The following CLCN3 variants were observed in gnomAD, a reference collection of about 807,000 sequenced individuals.
CLCN3 encodes the protein H(+)/Cl(-) exchange transporter 3.
In CLCN3, 16 loss-of-function variants were observed where a neutral mutation model predicts 83.4. The observed-to-expected ratio is 0.19, with a 90% CI of 0.13 to 0.29. The LOEUF is 0.29. Ranked by LOEUF, CLCN3 falls within the 10% of genes least tolerant of loss-of-function variation. The pLI is 1.00. For synonymous variants in CLCN3, 322 were observed against 346.2 expected (o/e 0.93, Z 0.78); for missense variants, 544 against 1,006.0 (o/e 0.54, Z 6.21).
chr4:169,685,911 G>A (rs1480848996), intron 3 of CLCN3, among the ~76,000 whole-genome samples: 1 of 152,194 alleles, frequency 6.6e-6, no homozygotes, highest in Non-Finnish European at 1.5e-5. Flanking sequence ...TTATAGGGTA[G>A]AAGGGGTAAA....
In CLCN3 at chr4:169,628,227, A is replaced by C. The variant is rs377471225; in HGVS notation, c.-17+7164A>C. On this transcript the variant is annotated intron_variant, in intron 1 of 12. Transcript: ENST00000513761. ...TAAAATTTTAGGAAAAATAGAAGAA[A>C]ATTTTGGGGAGGTAGGGTTAGGCAT... Among the ~76,000 whole-genome samples, 4 of 152,290 alleles carry C rather than the reference A, an allele frequency of 2.6e-5. No homozygotes were observed. In the East Asian group the frequency reaches 5.8e-4, roughly 22 times the overall value.
chr4:169,700,418 C>T (rs772518458), intron 9 of CLCN3, among the ~76,000 whole-genome samples: 4 of 151,982 alleles, frequency 2.6e-5, no homozygotes, highest in Admixed American at 6.6e-5. Context: ...CCATCACACC[C>T]GGCTAATTTT....
At chr4:169,640,639 A>AT (rs943059913) in intron 2 of CLCN3, among the ~76,000 whole-genome samples, 2 of 152,092 alleles carry the variant, frequency 1.3e-5, no homozygotes, top group East Asian at 1.9e-4. Flanking sequence ...AAAATGCAAA[A>AT]TTTTTTTATT....
At position 169,697,519 on chromosome 4, in the gene CLCN3, C is replaced by G. The variant is rs201828746; in HGVS notation, c.1348C>G (p.Leu450Val). 8 of 1,614,160 alleles carry G rather than the reference C, an allele frequency of 5.0e-6. No homozygotes were observed. In the East Asian group the frequency reaches 1.8e-4, roughly 36 times the overall value. ...VIAFPNPYTR[L>V]NTSELIKELF... ...AGCCTTCCCTAATCCATACACTAGG[C>G]TAAACACCAGTGAACTGATCAAAGA... The change falls in exon 9 of 13, where the codon CTA (leucine) becomes GTA (valine). Residue 450 changes from leucine (L) to valine (V), a missense_variant. Around this residue, in one of 6 missense-constraint regions of CLCN3, gnomAD observed 194 missense variants for 341.4 expected, o/e 0.57. Coordinates refer to ENST00000513761, the MANE Select transcript of CLCN3 (RefSeq NM_001829.4).
In CLCN3 at chr4:169,700,974, G is replaced by T. The variant is rs545366892; in HGVS notation, c.1564-3024G>T. On this transcript the variant is annotated intron_variant, in intron 9 of 12. Coordinates refer to ENST00000513761, the MANE Select transcript of CLCN3 (RefSeq NM_001829.4). Reference sequence around the variant, plus strand: ...GTTGCTAGAGGTAGGACTGGCTGTAGCAATTCTTAAAATAAGATAACAGTG... The same window carrying T: ...GTTGCTAGAGGTAGGACTGGCTGTATCAATTCTTAAAATAAGATAACAGTG... Among the ~76,000 whole-genome samples, 4 of 152,294 alleles carry T rather than the reference G, an allele frequency of 2.6e-5. No homozygotes were observed. The South Asian group carries it at 8.3e-4, about 32-fold the overall frequency.
intron 11 of CLCN3, 89 bp from the exon 12 acceptor site, chr4:169,712,990 A>T: frequency 3.4e-6 from 3 of 886,070 alleles, no homozygotes; most frequent in South Asian, 1.5e-5. Context: ...GTCATAGGAT[A>T]CATTAATTTT....
At chr4:169,705,778 G>A (rs906142370) in intron 10 of CLCN3, among the ~76,000 whole-genome samples, 35 of 152,242 alleles carry the variant, frequency 2.3e-4, no homozygotes, top group South Asian at 1.9e-3. Flanking sequence ...GAGCAACACA[G>A]TAAAAGTAGT....
At chr4:169,691,181 G>T (rs1192446579) in intron 6 of CLCN3, among the ~76,000 whole-genome samples, 3 of 150,672 alleles carry the variant, frequency 2.0e-5, no homozygotes, top group African/African-American at 7.3e-5. Flanking sequence ...GCATTTTTTT[G>T]TTTGTTTTTT....
intron 11 of CLCN3, among the ~76,000 whole-genome samples, chr4:169,708,119 T>C (rs1733062752): frequency 6.6e-6 from 1 of 152,186 alleles, no homozygotes; most frequent in Non-Finnish European, 1.5e-5. Flanking sequence ...TGTCAAGCCT[T>C]TGGCCTGTCT....
intron 3 of CLCN3, 59 bp downstream of exon 3, chr4:169,680,266 T>C: frequency 8.1e-7 from 1 of 1,229,472 alleles, no homozygotes; most frequent in Non-Finnish European, 1.1e-6. Context: ...CTTTTAATAA[T>C]ATATTTCTGC....
chr4:169,709,154 ATG>A (rs1351976922), intron 11 of CLCN3, among the ~76,000 whole-genome samples: 1 of 149,154 alleles, frequency 6.7e-6, no homozygotes, highest in Non-Finnish European at 1.5e-5. Flanking sequence ...TTAAAAATGT[ATG>A]TGTTATATAT....
chr4:169,624,190 G>C (rs537251563), intron 1 of CLCN3, among the ~76,000 whole-genome samples: 24 of 152,238 alleles, frequency 1.6e-4, no homozygotes, highest in East Asian at 1.5e-3. Context: ...CTGGAGTGTA[G>C]TGGTGCAATC....
intron 12 of CLCN3, among the ~76,000 whole-genome samples, chr4:169,714,615 CTT>C (rs937786998): frequency 6.6e-6 from 1 of 152,092 alleles, no homozygotes; most frequent in African/African-American, 2.4e-5. Flanking sequence ...TAGAAATCCT[CTT>C]TCTTTGTGAT....
chr4:169,620,662 A>T lies in CLCN3; in HGVS notation c.-418A>T, dbSNP rs993028859. On this transcript the variant is annotated 5_prime_UTR_variant, in exon 1 of 13. Coordinates refer to ENST00000513761, the MANE Select transcript of CLCN3 (RefSeq NM_001829.4). ...TGTTCTAGTTCGCCCGTGACCCGGA[A>T]TAATGAGCAAGGAGGGTGTGGTGGG... 13 of 397,836 alleles carry T rather than the reference A, an allele frequency of 3.3e-5. No individual in the cohort carries two copies. Among genetic ancestry groups the T allele is most frequent in the African/African-American group, 2.7e-4 (13 of 48,644 alleles). The allele number at this position is 397,836 out of a possible 1,614,324, so 24.6% of individuals were successfully genotyped here. A position where few individuals can be genotyped will look rare whatever the true frequency, so the allele number is the denominator to read the frequency against.
At chr4:169,637,637 G>A (rs1456068884) in intron 2 of CLCN3, among the ~76,000 whole-genome samples, 20 of 151,950 alleles carry the variant, frequency 1.3e-4, no homozygotes, top group Non-Finnish European at 2.9e-5. Flanking sequence ...TTTATTCTTA[G>A]TGTTTTTTTT....
chr4:169,629,674 T>C (rs13435226), intron 1 of CLCN3, among the ~76,000 whole-genome samples: 26,196 of 152,220 alleles, frequency 0.17, 2,868 homozygotes, highest in South Asian at 0.31. Flanking sequence ...CCTGGTCTAA[T>C]GTGACATATT....
intron 11 of CLCN3, among the ~76,000 whole-genome samples, chr4:169,710,275 A>AT (rs1733158718): frequency 6.6e-6 from 1 of 152,050 alleles, no homozygotes; most frequent in Non-Finnish European, 1.5e-5. Flanking sequence ...AAAGTGATTT[A>AT]TTTTTTTGAG....
At position 169,635,896 on chromosome 4, in the gene CLCN3, CT is replaced by C. The variant is rs755491509; in HGVS notation, c.-16-12del. 14 of 1,501,464 alleles carry C rather than the reference CT, an allele frequency of 9.3e-6. No individual in the cohort carries two copies. The highest frequency in any genetic ancestry group is 1.3e-5 in the South Asian group (1 of 74,610). The allele number at this position is 1,501,464 out of a possible 1,614,324, so 93.0% of individuals were successfully genotyped here. A position where few individuals can be genotyped will look rare whatever the true frequency, so the allele number is the denominator to read the frequency against. Reference sequence around the variant, plus strand: ...GTATGTTTGAAAAATGTTAAAACTACTTTTTCCCCCCCACAGATAATCAGAC... The same window carrying C: ...GTATGTTTGAAAAATGTTAAAACTACTTTTCCCCCCCACAGATAATCAGAC... On this transcript the variant is annotated splice_polypyrimidine_tract_variant and intron_variant, in intron 1 of 12. Transcript: ENST00000513761.
chr4:169,719,546 GA>G (rs1733554597), intron 12 of CLCN3, among the ~76,000 whole-genome samples: 1 of 152,180 alleles, frequency 6.6e-6, no homozygotes, highest in African/African-American at 2.4e-5. Flanking sequence ...TCATGTGATG[GA>G]AATCAATTTT....
Sources: allele counts gnomAD v4.1 joint callset (sites outside exome capture counted in the v4.1 genomes callset), GRCh38; gene constraint gnomAD v4.1.1; regional missense constraint gnomAD v4.1.1; transcripts MANE v1.5; gene names NCBI Gene and HGNC (gene_info 2026-07-23, HGNC 2026-07-21).